The following DNM1L variants were observed in gnomAD, a reference collection of about 807,000 sequenced individuals.
DNM1L encodes dynamin-1-like protein.
In DNM1L, 33 loss-of-function variants were observed where a neutral mutation model predicts 92.8. The ratio of observed to expected loss-of-function variants is 0.36; its 90% CI spans 0.27 to 0.48. The LOEUF is 0.48. Ranked by LOEUF, DNM1L falls within the 20% of genes least tolerant of loss-of-function variation. The pLI is 0.99. For synonymous variants in DNM1L, 284 were observed against 305.0 expected (o/e 0.93, Z 0.72); for missense variants, 485 against 888.8 (o/e 0.55, Z 5.78).
intron 9 of DNM1L, among the ~76,000 whole-genome samples, chr12:32,730,460 T>G (rs566590252): frequency 1.4e-4 from 21 of 152,368 alleles, no homozygotes; most frequent in African/African-American, 4.8e-4. Flanking sequence ...CCCAGCACTT[T>G]GGGAGGTCAA....
intron 9 of DNM1L, 46 bp from the exon 10 acceptor site, chr12:32,730,968 T>C: frequency 6.2e-7 from 1 of 1,612,088 alleles, no homozygotes; most frequent in Non-Finnish European, 8.5e-7. Context: ...TGTATCTTCT[T>C]TCCCTTTTTG....
chr12:32,732,323 C>T (rs1319064064), intron 12 of DNM1L, among the ~76,000 whole-genome samples: 1 of 152,134 alleles, frequency 6.6e-6, no homozygotes, highest in Admixed American at 6.5e-5. Flanking sequence ...CTTTGAGGTA[C>T]ATCGGAGTAA....
chr12:32,695,445 TA>T (rs1287576587), intron 1 of DNM1L, among the ~76,000 whole-genome samples: 1 of 151,948 alleles, frequency 6.6e-6, no homozygotes, highest in Non-Finnish European at 1.5e-5. Context: ...TAAGAAAAAT[TA>T]AAAAATTAAG....
chr12:32,736,232 T>G (rs985715505), intron 13 of DNM1L, among the ~76,000 whole-genome samples: 2 of 151,902 alleles, frequency 1.3e-5, no homozygotes, highest in African/African-American at 4.8e-5. Context: ...GCACCATGCC[T>G]GGCTAATTTT....
At chr12:32,727,947 T>C (rs569424027) in intron 9 of DNM1L, among the ~76,000 whole-genome samples, 1 of 152,328 alleles carries the variant, frequency 6.6e-6, no homozygotes, top group South Asian at 2.1e-4. Context: ...TCATTACATA[T>C]TGCATATTGT....
In DNM1L at chr12:32,701,552, A is replaced by G; in HGVS notation, c.240A>G (p.Gly80=). 6.2e-7 allele frequency: 1 copy of G among 1,613,712 alleles called. No individual in the cohort carries two copies. Among genetic ancestry groups the G allele is most frequent in the Non-Finnish European group, 8.5e-7 (1 of 1,179,660 alleles). The change falls in exon 2 of 20, where the codon GGA becomes GGG. Residue 80 remains glycine, a synonymous_variant. Transcript: ENST00000549701. Reference sequence around the variant, plus strand: ...AAGAAGATAAACGGAAAACAACAGGAGAAGAAAATGGTAAATTTCAGATTT... The same window carrying G: ...AAGAAGATAAACGGAAAACAACAGGGGAAGAAAATGGTAAATTTCAGATTT... The part of the protein sequence containing the change: ...VSQEDKRKTT[G]EENGVEAEEW...
At chr12:32,733,517 T>C (rs1187247603) in intron 12 of DNM1L, 198 bp from the exon 13 acceptor site, 6 of 561,622 alleles carry the variant, frequency 1.1e-5, no homozygotes, top group African/African-American at 9.5e-5. Context: ...GATGCTGAAA[T>C]GTAAATAATT....
chr12:32,712,649 CAAAAAAAAAAAAAAAAAA>C (rs59906286), intron 5 of DNM1L, among the ~76,000 whole-genome samples: 4 of 29,780 alleles, frequency 1.3e-4, no homozygotes, highest in East Asian at 1.6e-3. Flanking sequence ...GACCCTGTCT[CAAAAAAAAAAAAAAAAAA>C]AAAAAAAAAA....
chr12:32,739,562 G>A (rs1389212298), intron 16 of DNM1L, among the ~76,000 whole-genome samples: 2 of 152,120 alleles, frequency 1.3e-5, no homozygotes, highest in African/African-American at 2.4e-5. Flanking sequence ...ATACCTTATG[G>A]CATTTTTGTT....
intron 1 of DNM1L, among the ~76,000 whole-genome samples, chr12:32,694,246 C>T (rs930984170): frequency 2.0e-5 from 3 of 152,136 alleles, no homozygotes; most frequent in South Asian, 2.1e-4. Context: ...CCACCTTGCC[C>T]GTGTAATTTT....
At position 32,731,169 on chromosome 12, in the gene DNM1L, A is replaced by T. The variant is rs1402494131; in HGVS notation, c.1200+35A>T. ...TTTAGCTTTTTAGACTGTAAAAAAAAATGAGGTTAAAGTTTTTCTTACCCA... is the reference window on the plus strand; with the variant it reads ...TTTAGCTTTTTAGACTGTAAAAAAATATGAGGTTAAAGTTTTTCTTACCCA... On this transcript the variant is annotated intron_variant, in intron 10 of 19. Coordinates refer to ENST00000549701, the MANE Select transcript of DNM1L (RefSeq NM_012062.5). This position sits in a 1 kb window ranked among gnomAD's most constrained non-coding sequence, Gnocchi z 5.1. 2 of 1,613,580 alleles carry T rather than the reference A, an allele frequency of 1.2e-6. No individual in the cohort carries two copies. The highest frequency in any genetic ancestry group is 3.3e-5 in the Admixed American group (2 of 60,002).
At chr12:32,727,045 A>G in intron 9 of DNM1L, 1 of 734,072 alleles carries the variant, frequency 1.4e-6, no homozygotes, top group South Asian at 1.4e-5. Context: ...AAAACAGGTA[A>G]CCAAAATTCA....
chr12:32,722,221 A>G (rs1015142386), intron 8 of DNM1L, among the ~76,000 whole-genome samples: 1 of 152,132 alleles, frequency 6.6e-6, no homozygotes, highest in African/African-American at 2.4e-5. Context: ...AGACACTCTA[A>G]ACACCCTTAA....
intron 1 of DNM1L, among the ~76,000 whole-genome samples, chr12:32,681,917 C>A (rs73295918): frequency 1.3e-5 from 2 of 151,746 alleles, no homozygotes; most frequent in Non-Finnish European, 2.9e-5. Context: ...TTGCCTGAGT[C>A]CAGGAGTTTG....
chr12:32,733,366 G>A, intron 12 of DNM1L: 1 of 243,272 alleles, frequency 4.1e-6, no homozygotes, highest in Non-Finnish European at 8.0e-6. Flanking sequence ...AGGGAATAGT[G>A]GATGATCTGA....
chr12:32,687,219 A>AT (rs973544896), intron 1 of DNM1L, among the ~76,000 whole-genome samples: 63 of 150,572 alleles, frequency 4.2e-4, no homozygotes, highest in South Asian at 8.4e-4. Flanking sequence ...AGCCGTGAAG[A>AT]TTTTTTTTTA....
At chr12:32,730,466 G>A (rs1954479894) in intron 9 of DNM1L, among the ~76,000 whole-genome samples, 1 of 152,264 alleles carries the variant, frequency 6.6e-6, no homozygotes, top group Non-Finnish European at 1.5e-5. Context: ...ACTTTGGGAG[G>A]TCAAGGCGGG....
chr12:32,743,504 C>A lies in DNM1L; in HGVS notation c.*94C>A. 2 of 1,213,394 alleles carry A rather than the reference C, an allele frequency of 1.6e-6. No individual in the cohort carries two copies. Among genetic ancestry groups the A allele is most frequent in the Non-Finnish European group, 2.4e-6 (2 of 827,552 alleles). The allele number at this position is 1,213,394 out of a possible 1,614,324, so 75.2% of individuals were successfully genotyped here. ...CTTATTTATGAACTCCTGTGTATTGCAATGGTATGAATCTGCTCATGTGGA... is the reference window on the plus strand; with the variant it reads ...CTTATTTATGAACTCCTGTGTATTGAAATGGTATGAATCTGCTCATGTGGA... On this transcript the variant is annotated 3_prime_UTR_variant, in exon 20 of 20. Coordinates refer to ENST00000549701, the MANE Select transcript of DNM1L (RefSeq NM_012062.5).
chr12:32,732,029 G>A, intron 12 of DNM1L, 86 bp downstream of exon 12: 2 of 961,544 alleles, frequency 2.1e-6, no homozygotes, highest in African/African-American at 1.6e-5. Flanking sequence ...AGCATTATAT[G>A]GTTACTTTAG....
Sources: allele counts gnomAD v4.1 joint callset (sites outside exome capture counted in the v4.1 genomes callset), GRCh38; gene constraint gnomAD v4.1.1; non-coding constraint Gnocchi (gnomAD v3.1); transcripts MANE v1.5; gene names NCBI Gene and HGNC (gene_info 2026-07-23, HGNC 2026-07-21).